ARNT2: variants seen among roughly 807,000 people sequenced by gnomAD.
The protein encoded by ARNT2 is ARNT protein 2.
Under a neutral mutation model 91.7 loss-of-function variants are expected in ARNT2, and 36 were observed. The observed-to-expected ratio is 0.39, with a 90% CI of 0.30 to 0.52. The LOEUF (loss-of-function observed/expected upper bound fraction) is 0.52, where lower values mean the gene tolerates loss of function less well. Among genes scored for constraint, ARNT2 ranks in the 20% least tolerant of loss-of-function variants. ARNT2 has a pLI of 0.72. For missense variants in ARNT2, 775 were observed against 939.3 expected (o/e 0.83, Z 2.29); for synonymous variants, 365 against 347.1 (o/e 1.05, Z -0.57).
At chr15:80,589,331 G>A (rs2141487437) in intron 17 of ARNT2, among the ~76,000 whole-genome samples, 1 of 151,900 alleles carries the variant, frequency 6.6e-6, no homozygotes, top group Non-Finnish European at 1.5e-5. Context: ...AGAAGGGAGG[G>A]AAAGGAGAAG....
intron 8 of ARNT2, among the ~76,000 whole-genome samples, chr15:80,527,235 G>A (rs1346511208): frequency 2.0e-5 from 3 of 152,238 alleles, no homozygotes; most frequent in Admixed American, 6.5e-5. Flanking sequence ...CACAGTTCCT[G>A]TTCTTAAGGA....
At chr15:80,480,653 C>T (rs142391941) in intron 5 of ARNT2, among the ~76,000 whole-genome samples, 134 of 152,284 alleles carry the variant, frequency 8.8e-4, no homozygotes, top group African/African-American at 3.1e-3. Context: ...ATTGGGTCAG[C>T]ATTTTGGTTC....
At chr15:80,489,469 T>C (rs1897022475) in intron 5 of ARNT2, among the ~76,000 whole-genome samples, 1 of 152,364 alleles carries the variant, frequency 6.6e-6, no homozygotes, top group Middle Eastern at 3.4e-3. Flanking sequence ...CATAAATTAC[T>C]CTGCAATGAG....
chr15:80,508,113 C>A, intron 5 of ARNT2, 43 bp from the exon 6 acceptor site: 1 of 1,598,212 alleles, frequency 6.3e-7, no homozygotes. Context: ...CATCTCCCAA[C>A]CGAAGGCAGA....
intron 5 of ARNT2, among the ~76,000 whole-genome samples, chr15:80,500,623 G>A (rs977208457): frequency 6.6e-6 from 1 of 152,116 alleles, no homozygotes; most frequent in African/African-American, 2.4e-5. Flanking sequence ...TCAGCTTACT[G>A]CAAACAATTA....
At chr15:80,592,115 C>T (rs1446797417) in intron 18 of ARNT2, among the ~76,000 whole-genome samples, 2 of 152,192 alleles carry the variant, frequency 1.3e-5, no homozygotes, top group Non-Finnish European at 2.9e-5. Context: ...ACATCCCCAC[C>T]CAGGCCCTTG....
intron 12 of ARNT2, among the ~76,000 whole-genome samples, chr15:80,568,162 AAC>A (rs1371569020): frequency 6.6e-6 from 1 of 152,218 alleles, no homozygotes; most frequent in Admixed American, 6.5e-5. Flanking sequence ...GGTCCAGAAA[AAC>A]ACAGACTGAT....
At chr15:80,408,320 T>A (rs1895631426) in intron 1 of ARNT2, among the ~76,000 whole-genome samples, 1 of 152,176 alleles carries the variant, frequency 6.6e-6, no homozygotes, top group South Asian at 2.1e-4. Context: ...ATAGGTAGAC[T>A]AACTTAATAA....
At chr15:80,445,389 A>C (rs1054100284) in intron 1 of ARNT2, among the ~76,000 whole-genome samples, 2 of 134,280 alleles carry the variant, frequency 1.5e-5, no homozygotes, top group Non-Finnish European at 3.2e-5. Context: ...GGGTGTGTGC[A>C]GGTGTCGTGT....
intron 12 of ARNT2, among the ~76,000 whole-genome samples, chr15:80,563,730 G>A (rs981326645): frequency 6.6e-6 from 1 of 152,196 alleles, no homozygotes; most frequent in Non-Finnish European, 1.5e-5. Context: ...CTGCTGCCCA[G>A]CCGTGGAAGC....
intron 8 of ARNT2, among the ~76,000 whole-genome samples, chr15:80,531,605 G>C (rs1322189400): frequency 6.6e-6 from 1 of 152,188 alleles, no homozygotes; most frequent in African/African-American, 2.4e-5. Flanking sequence ...TCAAAGCAGA[G>C]TGTTCTTTTC....
intron 11 of ARNT2, chr15:80,555,724 C>G (rs918240075): frequency 6.6e-6 from 1 of 152,592 alleles, no homozygotes; most frequent in African/African-American, 2.4e-5. Context: ...AATCCCAGCA[C>G]TTTGGGAGGC....
At chr15:80,522,406 C>A (rs1897563108) in intron 8 of ARNT2, among the ~76,000 whole-genome samples, 1 of 152,144 alleles carries the variant, frequency 6.6e-6, no homozygotes, top group Admixed American at 6.5e-5. Flanking sequence ...CATATGTATA[C>A]ATATACAGTC....
intron 8 of ARNT2, among the ~76,000 whole-genome samples, chr15:80,538,078 A>G (rs927393064): frequency 6.6e-6 from 1 of 152,206 alleles, no homozygotes; most frequent in Admixed American, 6.5e-5. Flanking sequence ...ATGGAAAGGT[A>G]TATTTATATT....
chr15:80,574,127 T>G (rs746536892), intron 12 of ARNT2, 21 bp from the exon 13 acceptor site: 1 of 1,612,182 alleles, frequency 6.2e-7, no homozygotes, highest in Non-Finnish European at 8.5e-7. Flanking sequence ...CATGACCCTC[T>G]GTTGTCTTCT....
chr15:80,533,699 A>G (rs1897777943), intron 8 of ARNT2, among the ~76,000 whole-genome samples: 1 of 152,262 alleles, frequency 6.6e-6, no homozygotes, highest in Non-Finnish European at 1.5e-5. Context: ...GAAAGGATTC[A>G]AGGTTCTAGG....
chr15:80,491,415 C>T (rs936218838), intron 5 of ARNT2, among the ~76,000 whole-genome samples: 28 of 152,224 alleles, frequency 1.8e-4, no homozygotes, highest in African/African-American at 6.5e-4. Context: ...GAGAACAGCA[C>T]GTGAAAGACC....
chr15:80,563,021 C>G, intron 11 of ARNT2, 67 bp from the exon 12 acceptor site: 1 of 1,581,332 alleles, frequency 6.3e-7, no homozygotes, highest in Non-Finnish European at 8.7e-7. Context: ...CTGCCTGCAG[C>G]TTCTCCCTCC....
intron 12 of ARNT2, among the ~76,000 whole-genome samples, chr15:80,569,263 C>T (rs1200590662): frequency 2.6e-5 from 4 of 152,204 alleles, no homozygotes; most frequent in Non-Finnish European, 5.9e-5. Flanking sequence ...ACCTCGCCGG[C>T]AGGAAGCCGC....
Sources: gnomAD v4.1 joint callset for allele counts (sites outside exome capture counted in the v4.1 genomes callset) on GRCh38, gnomAD v4.1.1 for gene constraint, MANE v1.5 for transcripts, NCBI Gene and HGNC (gene_info 2026-07-23, HGNC 2026-07-21) for gene names.